The following CEP112 variants were observed in gnomAD, a reference collection of about 807,000 sequenced individuals.
CEP112 encodes centrosomal protein 112, also known as centrosomal protein of 112 kDa.
In CEP112, 127 loss-of-function variants were observed where a neutral mutation model predicts 153.0. The observed-to-expected ratio is 0.83, with a 90% CI of 0.72 to 0.96. CEP112 has a LOEUF of 0.96. Ranked by LOEUF, CEP112 falls within the 40% of genes least tolerant of loss-of-function variation. The pLI, the probability that CEP112 is intolerant of heterozygous loss-of-function variation, is 0.00. For missense variants in CEP112, 1,089 were observed against 1,101.2 expected (o/e 0.99, Z 0.16); for synonymous variants, 358 against 374.4 (o/e 0.96, Z 0.51).
intron 21 of CEP112, among the ~76,000 whole-genome samples, chr17:65,810,124 A>G (rs1483594979): frequency 6.6e-6 from 1 of 152,258 alleles, no homozygotes; most frequent in Non-Finnish European, 1.5e-5. Flanking sequence ...TGCCATGAAT[A>G]AAAGAAGAGA....
intron 19 of CEP112, among the ~76,000 whole-genome samples, chr17:65,920,397 ATATATAT>A (rs1402111144): frequency 7.8e-5 from 9 of 114,934 alleles, no homozygotes; most frequent in South Asian, 2.5e-4. Context: ...ATATATATAT[ATATATAT>A]AATTATAATA....
chr17:66,084,208 T>G (rs1179345828), intron 8 of CEP112, among the ~76,000 whole-genome samples: 2 of 152,176 alleles, frequency 1.3e-5, no homozygotes, highest in East Asian at 3.9e-4. Context: ...TACACTGGGT[T>G]GGTGGGAATG....
chr17:66,024,674 A>T (rs546105643), intron 16 of CEP112, among the ~76,000 whole-genome samples: 1 of 152,180 alleles, frequency 6.6e-6, no homozygotes, highest in South Asian at 2.1e-4. Context: ...AAAACATCTC[A>T]TGCTCACGGA....
Position 65,961,512 on chromosome 17 carries a change from C to T in CEP112, c.1823G>A (p.Arg608Gln), listed in dbSNP as rs368889863. Residue 608 changes from arginine (R) to glutamine (Q), a missense_variant, in exon 18 of 27, where the codon CGG becomes CAG. Transcript: ENST00000535342. The part of the protein sequence containing the change: ...QADAALEEFK[R>Q]QVELNSEKVY... ...TTTCTCTGAGTTCAGTTCCACCTGCCGCTTAAACTCTTCCAGAGCGGCATC... is the reference window on the plus strand; with the variant it reads ...TTTCTCTGAGTTCAGTTCCACCTGCTGCTTAAACTCTTCCAGAGCGGCATC... The T allele has an allele frequency of 2.2e-5, 36 of 1,612,982 alleles. No individual in the cohort carries two copies. Among genetic ancestry groups the T allele is most frequent in the African/African-American group, 2.7e-5 (2 of 74,912 alleles).
intron 16 of CEP112, among the ~76,000 whole-genome samples, chr17:66,025,495 T>A (rs1201294834): frequency 6.6e-6 from 1 of 151,970 alleles, no homozygotes. Flanking sequence ...ACAAAGGGCA[T>A]GAGTAGACAT....
chr17:65,689,769 T>C (rs1000504887), intron 23 of CEP112, among the ~76,000 whole-genome samples: 2 of 152,144 alleles, frequency 1.3e-5, no homozygotes, highest in African/African-American at 4.8e-5. Context: ...CTTTGCCAAG[T>C]AGCTGTTTGA....
chr17:66,184,213 C>T (rs553463261), intron 1 of CEP112, among the ~76,000 whole-genome samples: 13 of 152,100 alleles, frequency 8.5e-5, no homozygotes, highest in Non-Finnish European at 1.3e-4. Flanking sequence ...GGGCCATGAT[C>T]GCACCACTAA....
At chr17:65,780,441 A>T (rs1337015459) in intron 21 of CEP112, among the ~76,000 whole-genome samples, 1 of 152,112 alleles carries the variant, frequency 6.6e-6, no homozygotes, top group Non-Finnish European at 1.5e-5. Context: ...AGGGAGAAAA[A>T]AACCTTTACT....
chr17:65,957,251 C>G (rs34097904), intron 18 of CEP112, among the ~76,000 whole-genome samples: 4 of 151,806 alleles, frequency 2.6e-5, no homozygotes, highest in Non-Finnish European at 4.4e-5. Flanking sequence ...AAAAATAAAA[C>G]GCTAAAAAAG....
At chr17:65,638,593 C>T (rs1347555955) in intron 25 of CEP112, among the ~76,000 whole-genome samples, 1 of 152,152 alleles carries the variant, frequency 6.6e-6, no homozygotes, top group Non-Finnish European at 1.5e-5. Context: ...TCAAGTGACC[C>T]ATAGGACAAT....
intron 17 of CEP112, among the ~76,000 whole-genome samples, chr17:66,005,262 T>C (rs924126069): frequency 7.9e-5 from 12 of 152,166 alleles, no homozygotes; most frequent in African/African-American, 2.4e-5. Context: ...ATACTGAGTA[T>C]ATCATAAGAC....
chr17:65,916,289 G>GTGTGTA (rs777844271), intron 19 of CEP112, among the ~76,000 whole-genome samples: 143 of 147,344 alleles, frequency 9.7e-4, no homozygotes, highest in Middle Eastern at 3.5e-3. Context: ...GTGTGTGTGT[G>GTGTGTA]TGTATGTGTG....
At chr17:65,655,239 G>A (rs764362775) in intron 24 of CEP112, 9 of 915,730 alleles carry the variant, frequency 9.8e-6, no homozygotes, top group Admixed American at 3.4e-5. Flanking sequence ...AAGTCATCCC[G>A]GAGAATACGG....
At chr17:65,908,215 T>C (rs1228643739) in intron 19 of CEP112, among the ~76,000 whole-genome samples, 2 of 152,168 alleles carry the variant, frequency 1.3e-5, no homozygotes, top group Non-Finnish European at 2.9e-5. Context: ...GTGCCCACCC[T>C]AAACATATTA....
intron 21 of CEP112, among the ~76,000 whole-genome samples, chr17:65,802,105 T>C (rs951156591): frequency 6.6e-6 from 1 of 152,212 alleles, no homozygotes; most frequent in Non-Finnish European, 1.5e-5. Context: ...TTCTTTGTCA[T>C]GTGTGGCAGC....
chr17:66,065,628 T>TA (rs2067086192), intron 10 of CEP112, among the ~76,000 whole-genome samples: 2 of 115,524 alleles, frequency 1.7e-5, no homozygotes, highest in African/African-American at 6.7e-5. Flanking sequence ...TATTTTAAAA[T>TA]CTTTTTTTTT....
At chr17:65,880,419 A>G (rs1378288784) in intron 20 of CEP112, among the ~76,000 whole-genome samples, 2 of 152,214 alleles carry the variant, frequency 1.3e-5, no homozygotes, top group Non-Finnish European at 2.9e-5. Flanking sequence ...AACAGGTTAA[A>G]AACCAACAAA....
At chr17:66,109,693 G>A (rs1439020120) in intron 6 of CEP112, among the ~76,000 whole-genome samples, 1 of 152,044 alleles carries the variant, frequency 6.6e-6, no homozygotes, top group Non-Finnish European at 1.5e-5. Context: ...TGCAAAAAAT[G>A]TCAATTCTTA....
At chr17:65,689,527 C>A (rs1440828219) in intron 23 of CEP112, among the ~76,000 whole-genome samples, 4 of 152,138 alleles carry the variant, frequency 2.6e-5, no homozygotes, top group African/African-American at 9.7e-5. Flanking sequence ...TAAAGCATAA[C>A]ACTATTGCAA....
Sources: allele counts gnomAD v4.1 joint callset (sites outside exome capture counted in the v4.1 genomes callset), GRCh38; gene constraint gnomAD v4.1.1; transcripts MANE v1.5; gene names NCBI Gene and HGNC (gene_info 2026-07-23, HGNC 2026-07-21).